PDZD2: variants seen among roughly 807,000 people sequenced by gnomAD.
PDZD2 encodes PDZ domain containing 2, also known as PDZ domain-containing protein 2.
In PDZD2, 90 loss-of-function variants were observed where a neutral mutation model predicts 220.7. The ratio of observed to expected loss-of-function variants is 0.41; its 90% CI spans 0.34 to 0.49. The LOEUF (loss-of-function observed/expected upper bound fraction) is 0.49. PDZD2 is among the 20% of genes least tolerant of loss of function. PDZD2 has a pLI of 0.28. For synonymous variants in PDZD2, 1,375 were observed against 1,450.5 expected, an observed-to-expected ratio of 0.95 and a Z score of 1.18; for missense variants, 3,174 against 3,608.5, an observed-to-expected ratio of 0.88 and a Z score of 3.08.
chr5:32,072,701 G>A (rs762112549), intron 17 of PDZD2, among the ~76,000 whole-genome samples: 3 of 152,166 alleles, frequency 2.0e-5, no homozygotes, highest in Non-Finnish European at 4.4e-5. Flanking sequence ...ATTAGACAAT[G>A]CTGTACCCTG....
At chr5:31,754,637 TAA>T (rs1410240814) in intron 1 of PDZD2, 1 of 152,204 alleles carries the variant, frequency 6.6e-6, no homozygotes, top group Non-Finnish European at 1.5e-5. Flanking sequence ...TTTAAAAGAT[TAA>T]GTCTTTTCTT....
intron 1 of PDZD2, among the ~76,000 whole-genome samples, chr5:31,653,046 G>A (rs1413736134): frequency 1.3e-5 from 2 of 151,874 alleles, no homozygotes; most frequent in African/African-American, 4.8e-5. Context: ...AAAAAAACAC[G>A]GTGAGCCTCC....
At chr5:32,042,155 G>A (rs550636051) in intron 7 of PDZD2, among the ~76,000 whole-genome samples, 43 of 151,838 alleles carry the variant, frequency 2.8e-4, no homozygotes, top group Admixed American at 7.9e-4. Flanking sequence ...CCAGCTACTC[G>A]GGAGGCTGAG....
chr5:31,862,270 A>G (rs920931355), intron 2 of PDZD2, among the ~76,000 whole-genome samples: 1 of 150,602 alleles, frequency 6.6e-6, no homozygotes. Context: ...ACACCCGGCT[A>G]ATTTTTTTAT....
At chr5:31,928,359 T>A (rs1744972846) in intron 2 of PDZD2, among the ~76,000 whole-genome samples, 1 of 152,190 alleles carries the variant, frequency 6.6e-6, no homozygotes, top group South Asian at 2.1e-4. Flanking sequence ...TCAAACCCAT[T>A]TGACCACAGA....
At chr5:32,057,855 A>G (rs1163719044) in intron 11 of PDZD2, 23 bp from the exon 12 acceptor site, 1 of 1,551,372 alleles carries the variant, frequency 6.4e-7, no homozygotes, top group East Asian at 2.3e-5. Flanking sequence ...GTTTCAGCCC[A>G]CCTTTCCTCA....
chr5:32,061,165 G>A lies in PDZD2; in HGVS notation c.2451+31G>A, dbSNP rs768495377. On this transcript the variant is annotated intron_variant, in intron 14 of 24. Coordinates refer to ENST00000438447, the MANE Select transcript of PDZD2 (RefSeq NM_178140.4). ...GTGGTCCACCCTCTTCTGAACGTGG[G>A]AAGATGATACACCTTCCTAGGATAT... 5 of 1,610,518 alleles carry A rather than the reference G, an allele frequency of 3.1e-6. No homozygotes were observed. In the Admixed American group the frequency reaches 8.3e-5, roughly 27 times the overall value.
intron 5 of PDZD2, among the ~76,000 whole-genome samples, chr5:32,005,856 G>C (rs900836873): frequency 6.6e-6 from 1 of 152,078 alleles, no homozygotes; most frequent in African/African-American, 2.4e-5. Context: ...AATTAAATGA[G>C]ATATCAAGGG....
rs1751014465 is a variant in PDZD2 at position 31,752,069 on chromosome 5, G to GGTTTTTTTTTT, written c.-360-46820_-360-46819insGTTTTTTTTTT. On this transcript the variant is annotated intron_variant, in intron 1 of 24. Coordinates refer to ENST00000438447, the MANE Select transcript of PDZD2 (RefSeq NM_178140.4). ...TTGTTTGTTTGTTTTATTGTTTTGG[G>GGTTTTTTTTTT]TTTGTTTTTTTTTTTTTTTTTCTGA... is the stretch of plus-strand genomic sequence containing the variant. Among the ~76,000 whole-genome samples, 2 of 95,858 alleles carry GGTTTTTTTTTT rather than the reference G, an allele frequency of 2.1e-5. 1 individual carries two copies. Among genetic ancestry groups the GGTTTTTTTTTT allele is most frequent in the Non-Finnish European group, 3.8e-5 (2 of 52,196 alleles). 62.9% of individuals were successfully genotyped at this position (95,858 alleles called of 152,430 possible).
chr5:31,997,646 A>C (rs960648998), intron 4 of PDZD2, among the ~76,000 whole-genome samples: 4 of 152,220 alleles, frequency 2.6e-5, no homozygotes, highest in African/African-American at 9.6e-5. Flanking sequence ...AGATAAACTT[A>C]CAAAGAACTG....
In PDZD2 at chr5:32,090,517, G is replaced by A. The variant is rs749369935; in HGVS notation, c.7069G>A (p.Ala2357Thr). ...NADRPVAKSG[A>T]SPFLSVSSKP... is the part of the protein sequence containing the mutation. ...TGACCGGCCTGTAGCCAAGTCCGGG[G>A]CTTCCCCATTTTTGTCGGTGAGCTC... The change falls in exon 20 of 25, where the codon GCT (alanine) becomes ACT (threonine). Residue 2357 changes from alanine (A) to threonine (T), a missense_variant. Around this residue, in one of 4 missense-constraint regions of PDZD2, gnomAD observed 631 missense variants for 789.9 expected, o/e 0.80. Transcript: ENST00000438447. This position sits in a 1 kb window ranked among gnomAD's most constrained non-coding sequence, Gnocchi z 4.3. 8.7e-6 allele frequency: 14 copies of A among 1,613,986 alleles called. No homozygotes were observed. Among genetic ancestry groups the A allele is most frequent in the East Asian group, 2.2e-5 (1 of 44,884 alleles).
intron 24 of PDZD2, among the ~76,000 whole-genome samples, 175 bp downstream of exon 24, chr5:32,101,414 CA>C (rs1404638246): frequency 6.6e-6 from 1 of 152,192 alleles, no homozygotes; most frequent in East Asian, 1.9e-4. Flanking sequence ...ATCCACGTGG[CA>C]ACTCTATTGG....
rs761133430 is a variant in PDZD2, at chr5:32,091,164, C to A, written c.7716C>A (p.Ser2572Arg). The A allele has an allele frequency of 3.2e-6, 5 of 1,563,884 alleles. No individual in the cohort carries two copies. Among genetic ancestry groups the A allele is most frequent in the Non-Finnish European group, 4.3e-6 (5 of 1,149,586 alleles). ...EAAQDLPFRRSWSVNLDQLLV... is the reference protein window; with the variant it reads ...EAAQDLPFRRRWSVNLDQLLV... ...CCCAGGATCTGCCTTTTAGAAGAAGCTGGTCAGTTAAGTAAGTATCTGCCC... is the reference window on the plus strand; with the variant it reads ...CCCAGGATCTGCCTTTTAGAAGAAGATGGTCAGTTAAGTAAGTATCTGCCC... Residue 2572 changes from serine (S) to arginine (R), a missense_variant, in exon 20 of 25, where the codon AGC (serine) becomes AGA (arginine). By Grantham distance (110) the Ser-to-Arg change is moderately radical. This residue lies in a region of PDZD2 where 631 missense variants were observed against 789.9 expected (regional missense o/e 0.80). Coordinates refer to ENST00000438447, the MANE Select transcript of PDZD2 (RefSeq NM_178140.4).
At chr5:31,672,576 G>A (rs907433434) in intron 1 of PDZD2, among the ~76,000 whole-genome samples, 1 of 152,222 alleles carries the variant, frequency 6.6e-6, no homozygotes, top group Non-Finnish European at 1.5e-5. Flanking sequence ...CAGGAAGTCA[G>A]TGTTCCTTCA....
At chr5:31,868,939 A>AT (rs141252890) in intron 2 of PDZD2, among the ~76,000 whole-genome samples, 4,319 of 152,054 alleles carry the variant, frequency 0.028, 75 homozygotes, top group Non-Finnish European at 0.038. Context: ...CTCCTGGCTA[A>AT]TTTTTGTATT....
At chr5:31,699,801 T>G (rs1464461739) in intron 1 of PDZD2, among the ~76,000 whole-genome samples, 1 of 151,238 alleles carries the variant, frequency 6.6e-6, no homozygotes, top group Non-Finnish European at 1.5e-5. Flanking sequence ...TGTTTTTTTT[T>G]TGGTATTTTA....
chr5:32,052,710 T>A lies in PDZD2; in HGVS notation c.1765T>A (p.Leu589Met). 1 of 1,614,088 alleles carries A rather than the reference T, an allele frequency of 6.2e-7. No individual in the cohort carries two copies. Reference sequence around the variant, plus strand: ...GCCATCCGTCATCTCGATCATTGGGTTGTACAAAGAAAAAGGCAAGGTGAG... The same window carrying A: ...GCCATCCGTCATCTCGATCATTGGGATGTACAAAGAAAAAGGCAAGGTGAG... ...IRPSVISIIG[L>M]YKEKGKGLGF... is the part of the protein sequence containing the mutation. Residue 589 changes from leucine (L) to methionine (M), a missense_variant, in exon 9 of 25, where the codon TTG becomes ATG. Leu to Met is a conservative substitution (Grantham distance 15, BLOSUM62 2). Coordinates refer to ENST00000438447, the MANE Select transcript of PDZD2 (RefSeq NM_178140.4).
At chr5:31,977,540 C>T (rs1749895943) in intron 2 of PDZD2, among the ~76,000 whole-genome samples, 1 of 152,150 alleles carries the variant, frequency 6.6e-6, no homozygotes, top group East Asian at 1.9e-4. Context: ...GGACTCCCAC[C>T]CTTGGAGAGC....
chr5:31,935,686 T>C (rs974266689), intron 2 of PDZD2, among the ~76,000 whole-genome samples: 7 of 152,270 alleles, frequency 4.6e-5, no homozygotes, highest in African/African-American at 1.7e-4. Context: ...AGATTAAATG[T>C]ATTGTGAAAT....
Sources: gnomAD v4.1 joint callset for allele counts (sites outside exome capture counted in the v4.1 genomes callset) on GRCh38, gnomAD v4.1.1 for gene constraint, gnomAD v4.1.1 regional missense constraint, Gnocchi (gnomAD v3.1) non-coding constraint, MANE v1.5 for transcripts, NCBI Gene and HGNC (gene_info 2026-07-23, HGNC 2026-07-21) for gene names.